PARP1: variants seen among roughly 807,000 people sequenced by gnomAD.
PARP1 encodes the protein poly(ADP-ribose) polymerase 1.
PARP1 carries 44 observed loss-of-function variants against 118.7 expected under a neutral mutation model. The ratio of observed to expected loss-of-function variants is 0.37; its 90% CI spans 0.29 to 0.48. The LOEUF is 0.48. PARP1 is among the 20% of genes least tolerant of loss of function. The probability of loss-of-function intolerance (pLI) is 0.99; values close to 1 mark genes in which losing one functional copy is unlikely to be tolerated. For missense variants in PARP1, 1,100 were observed against 1,272.4 expected (o/e 0.86, Z 2.06); for synonymous variants, 492 against 483.2 (o/e 1.02, Z -0.24).
intron 1 of PARP1, among the ~76,000 whole-genome samples, chr1:226,403,447 G>A (rs969631715): frequency 3.3e-5 from 5 of 152,230 alleles, no homozygotes; most frequent in African/African-American, 1.2e-4. Context: ...CGAAGTGCTG[G>A]GATTACAGGC....
chr1:226,379,692 G>A, intron 10 of PARP1, 51 bp from the exon 11 acceptor site: 4 of 1,469,196 alleles, frequency 2.7e-6, no homozygotes, highest in South Asian at 1.2e-5. Context: ...TAACTAAAAA[G>A]TAAGGGGAAG....
chr1:226,387,575 T>A (rs1431451530), intron 5 of PARP1, among the ~76,000 whole-genome samples: 1 of 152,110 alleles, frequency 6.6e-6, no homozygotes, highest in African/African-American at 2.4e-5. Context: ...ACATCTCCTC[T>A]CCATCACACA....
intron 2 of PARP1, among the ~76,000 whole-genome samples, chr1:226,395,906 C>T (rs989763878): frequency 3.3e-5 from 5 of 152,092 alleles, no homozygotes; most frequent in African/African-American, 1.2e-4. Flanking sequence ...CAACAGCGGT[C>T]ATGAGGGGCA....
chr1:226,386,574 G>T, intron 5 of PARP1, 132 bp from the exon 6 acceptor site: 1 of 761,284 alleles, frequency 1.3e-6, no homozygotes, highest in East Asian at 2.5e-5. Flanking sequence ...GCAAATCTGG[G>T]TGATTAGCAC....
chr1:226,379,392 G>A (rs374810384), intron 11 of PARP1, 118 bp from the exon 12 acceptor site: 32 of 1,374,922 alleles, frequency 2.3e-5, no homozygotes, highest in Middle Eastern at 1.8e-4. Context: ...CACCACCCTC[G>A]GGAGGCTCCC....
At chr1:226,406,839 T>C (rs1330529486) in intron 1 of PARP1, among the ~76,000 whole-genome samples, 2 of 152,188 alleles carry the variant, frequency 1.3e-5, no homozygotes, top group East Asian at 1.9e-4. Context: ...CGCCCTCCCT[T>C]GTACTAAGTA....
At chr1:226,399,854 T>G (rs1364729362) in intron 2 of PARP1, among the ~76,000 whole-genome samples, 1 of 152,132 alleles carries the variant, frequency 6.6e-6, no homozygotes, top group African/African-American at 2.4e-5. Flanking sequence ...AACTCTGTAC[T>G]TTACTCAATT....
In PARP1 at chr1:226,386,382, C is replaced by T. The variant is rs955943944; in HGVS notation, c.778G>A (p.Asp260Asn). The T allele has an allele frequency of 5.0e-6, 8 of 1,614,100 alleles. No homozygotes were observed. Among genetic ancestry groups the T allele is most frequent in the Non-Finnish European group, 6.8e-6 (8 of 1,179,980 alleles). ...TTGAAGATGAGTAGCTCCTTCAGGT[C>T]ATTAGTTGAACACACTTTCTTTAGC... ...DELKKVCSTNDLKELLIFNKQ... is the reference protein window; with the variant it reads ...DELKKVCSTNNLKELLIFNKQ... The change falls in exon 6 of 23, where the codon GAC (aspartate) becomes AAC (asparagine). Residue 260 changes from aspartate (D) to asparagine (N), a missense_variant. Around this residue, in one of 2 missense-constraint regions of PARP1, gnomAD observed 948 missense variants for 1,031.8 expected, o/e 0.92. Coordinates refer to ENST00000366794, the MANE Select transcript of PARP1 (RefSeq NM_001618.4).
chr1:226,402,235 C>T lies in PARP1; in HGVS notation c.265G>A (p.Ala89Thr), dbSNP rs1024721663. ...WDDQQKVKKT[A>T]EAGGVTGKGQ... ...ACACCTGTCACTCCTCCAGCTTCCG[C>T]TGTCTTCTTGACTTTCTGCTGGTCA... Residue 89 changes from alanine to threonine, a missense_variant, in exon 2 of 23, where the codon GCG becomes ACG. Ala to Thr is a moderately conservative substitution (Grantham distance 58). This residue lies in a region of PARP1 where 948 missense variants were observed against 1,031.8 expected (regional missense o/e 0.92). Transcript: ENST00000366794. 1.1e-5 allele frequency: 17 copies of T among 1,614,224 alleles called. No homozygotes were observed. The highest frequency in any genetic ancestry group is 1.4e-5 in the Non-Finnish European group (17 of 1,180,040).
rs1237499663 is a variant in PARP1 at position 226,392,326 on chromosome 1, AACAG to A, written c.287-16_287-13del. On this transcript the variant is annotated splice_polypyrimidine_tract_variant and intron_variant, in intron 2 of 22. Coordinates refer to ENST00000366794, the MANE Select transcript of PARP1 (RefSeq NM_001618.4). The stretch of plus-strand genomic sequence containing the variant: ...ATCCTGGCCTTTGCCTGGAGAATCA[AACAG>A]ACAGCAATGCTCATCTCAACAGCCC... The A allele has an allele frequency of 3.2e-6, 5 of 1,584,130 alleles. No homozygotes were observed. The highest frequency in any genetic ancestry group is 4.3e-6 in the Non-Finnish European group (5 of 1,153,360).
Position 226,402,310 on chromosome 1 carries a change from T to G in PARP1, c.190A>C (p.Ile64Leu). The G allele has an allele frequency of 6.2e-7, 1 of 1,614,096 alleles. No individual in the cohort carries two copies. Among genetic ancestry groups the G allele is most frequent in the African/African-American group, 1.3e-5 (1 of 75,078 alleles). The change falls in exon 2 of 23, where the codon ATC becomes CTC. Residue 64 changes from isoleucine to leucine, a missense_variant. Ile to Leu is a conservative substitution (Grantham distance 5). Coordinates refer to ENST00000366794, the MANE Select transcript of PARP1 (RefSeq NM_001618.4). ...FSCFWKVGHS[I>L]RHPDVEVDGF... ...TCCACCTCAACGTCAGGGTGCCGGA[T>G]GGAGTGGCCCACCTTCCAGAAGCAG...
At position 226,388,733 on chromosome 1, in the gene PARP1, C is replaced by A; in HGVS notation, c.640G>T (p.Asp214Tyr). 1.2e-6 allele frequency: 2 copies of A among 1,614,000 alleles called. No individual in the cohort carries two copies. The highest frequency in any genetic ancestry group is 1.7e-6 in the Non-Finnish European group (2 of 1,179,862). ...TTCTTCGCCACTTCATCCACTCCAT[C>A]CACCTCATCGCCTTTTCTCTTTCTG... ...SEGKRKGDEVDGVDEVAKKKS... is the reference protein window; with the variant it reads ...SEGKRKGDEVYGVDEVAKKKS... Residue 214 changes from aspartate to tyrosine, a missense_variant, in exon 5 of 23, where the codon GAT (aspartate) becomes TAT (tyrosine). Coordinates refer to ENST00000366794, the MANE Select transcript of PARP1 (RefSeq NM_001618.4).
intron 7 of PARP1, among the ~76,000 whole-genome samples, chr1:226,383,617 C>T (rs441588): frequency 6.6e-6 from 1 of 152,188 alleles, no homozygotes; most frequent in African/African-American, 2.4e-5. Flanking sequence ...TATATACACA[C>T]TGGGAGATTA....
intron 17 of PARP1, chr1:226,366,673 C>T (rs909212209): frequency 3.2e-5 from 5 of 156,434 alleles, no homozygotes; most frequent in African/African-American, 9.6e-5. Flanking sequence ...AATCCCTTCA[C>T]GAAGAACCAC....
At chr1:226,400,601 C>T (rs187131484) in intron 2 of PARP1, among the ~76,000 whole-genome samples, 3 of 152,328 alleles carry the variant, frequency 2.0e-5, no homozygotes, top group Admixed American at 6.5e-5. Flanking sequence ...GCATACCCAC[C>T]CTGTAGTGAC....
intron 15 of PARP1, among the ~76,000 whole-genome samples, chr1:226,368,610 T>C (rs1252552786): frequency 6.6e-6 from 1 of 152,232 alleles, no homozygotes. Context: ...GCCACAACTA[T>C]GCAAAATGTT....
At chr1:226,388,621 G>T (rs1664757838) in intron 5 of PARP1, 35 bp downstream of exon 5, 3 of 1,355,518 alleles carry the variant, frequency 2.2e-6, no homozygotes, top group Non-Finnish European at 3.2e-6. Context: ...CCAGACAGCA[G>T]AATGTCGAAA....
chr1:226,379,415 T>C, intron 11 of PARP1, 141 bp from the exon 12 acceptor site: 2 of 1,231,968 alleles, frequency 1.6e-6, no homozygotes, highest in Non-Finnish European at 2.4e-6. Flanking sequence ...CAAATGTGTG[T>C]TCTCAGGACT....
intron 12 of PARP1, among the ~76,000 whole-genome samples, chr1:226,378,375 C>T (rs1664534948): frequency 6.6e-6 from 1 of 151,742 alleles, no homozygotes; most frequent in African/African-American, 2.4e-5. Flanking sequence ...ACCCCACCAT[C>T]CACACTCCAA....
Sources: allele counts gnomAD v4.1 joint callset (sites outside exome capture counted in the v4.1 genomes callset), GRCh38; gene constraint gnomAD v4.1.1; regional missense constraint gnomAD v4.1.1; transcripts MANE v1.5; gene names NCBI Gene and HGNC (gene_info 2026-07-23, HGNC 2026-07-21).